MED24: variants seen among roughly 807,000 people sequenced by gnomAD.
MED24 encodes the protein mediator of RNA polymerase II transcription subunit 24.
A neutral mutation model predicts 118.8 loss-of-function variants in MED24; 74 were observed. That is an observed-to-expected ratio of 0.62 (90% CI 0.52 to 0.76). MED24 has a LOEUF of 0.76. Among genes scored for constraint, MED24 ranks in the 30% least tolerant of loss-of-function variants. The pLI is 0.00. For synonymous variants in MED24, 521 were observed against 523.9 expected (o/e 0.99, Z 0.08); for missense variants, 1,041 against 1,278.9 (o/e 0.81, Z 2.84).
chr17:40,021,662 T>C (rs1233770816), intron 23 of MED24, among the ~76,000 whole-genome samples: 1 of 149,000 alleles, frequency 6.7e-6, no homozygotes, highest in Non-Finnish European at 1.5e-5. Flanking sequence ...CTTGGGTAGC[T>C]TGTCATCCCC....
intron 6 of MED24, among the ~76,000 whole-genome samples, chr17:40,034,293 C>T (rs1983703754): frequency 6.6e-6 from 1 of 152,154 alleles, no homozygotes; most frequent in South Asian, 2.1e-4. Context: ...CAACACAGTC[C>T]ATTTTTATAT....
At chr17:40,038,310 TTAC>T (rs1400043906) in intron 3 of MED24, among the ~76,000 whole-genome samples, 4 of 152,178 alleles carry the variant, frequency 2.6e-5, no homozygotes, top group Non-Finnish European at 5.9e-5. Context: ...TGGAAAAATC[TTAC>T]CTTAAAATAA....
At chr17:40,041,889 G>A (rs1182394614) in intron 3 of MED24, among the ~76,000 whole-genome samples, 2 of 152,150 alleles carry the variant, frequency 1.3e-5, no homozygotes, top group Non-Finnish European at 2.9e-5. Flanking sequence ...ACTACAGTCT[G>A]CAAGTCCAAT....
At chr17:40,022,879 C>T in intron 20 of MED24, 53 bp from the exon 21 acceptor site, 2 of 1,582,212 alleles carry the variant, frequency 1.3e-6, no homozygotes, top group Non-Finnish European at 1.7e-6. Context: ...GGATCTGGGG[C>T]TCCTACACCC....
Position 40,033,464 on chromosome 17 carries a change from A to G in MED24, c.560-8T>C. 6.4e-7 allele frequency: 1 copy of G among 1,568,026 alleles called. No individual in the cohort carries two copies. Among genetic ancestry groups the G allele is most frequent in the Non-Finnish European group, 8.7e-7 (1 of 1,153,998 alleles). ...CGATGGCAGTCCAAGAAGCTGGCAGAGGGAAGGAAGTACAGAAACATGATG... is the reference window on the plus strand; with the variant it reads ...CGATGGCAGTCCAAGAAGCTGGCAGGGGGAAGGAAGTACAGAAACATGATG... On this transcript the variant is annotated splice_region_variant and splice_polypyrimidine_tract_variant and intron_variant, in intron 6 of 25. Coordinates refer to ENST00000394128, the MANE Select transcript of MED24 (RefSeq NM_014815.4). The surrounding 1 kb of genome is among the most constrained non-coding windows in gnomAD (Gnocchi z 5.2).
At position 40,027,023 on chromosome 17, in the gene MED24, G is replaced by A; in HGVS notation, c.1542C>T (p.Ser514=). The A allele has an allele frequency of 6.2e-7, 1 of 1,613,996 alleles. No individual in the cohort carries two copies. The highest frequency in any genetic ancestry group is 8.5e-7 in the Non-Finnish European group (1 of 1,179,996). ...GCACCTCAGCTCCTGTGCGCGACTC[G>A]GACAGAATCACCTGGGAAAGGGGAA... The part of the protein sequence containing the change: ...AQTYGSEVIL[S]ESRTGAEVPF... Residue 514 remains serine (S), a synonymous_variant, in exon 17 of 26, where the codon TCC becomes TCT. Transcript: ENST00000394128.
At position 40,027,365 on chromosome 17, in the gene MED24, G is replaced by A. The variant is rs1415686163; in HGVS notation, c.1530+18C>T. 2 of 1,609,282 alleles carry A rather than the reference G, an allele frequency of 1.2e-6. No individual in the cohort carries two copies. Among genetic ancestry groups the A allele is most frequent in the Non-Finnish European group, 8.5e-7 (1 of 1,177,974 alleles). Reference sequence around the variant, plus strand: ...CTCCTTCCCTTGAGCCCCCGTCCCGGTCGCTCCCCTCTCTCACCTCTGAAC... The same window carrying A: ...CTCCTTCCCTTGAGCCCCCGTCCCGATCGCTCCCCTCTCTCACCTCTGAAC... On this transcript the variant is annotated intron_variant, in intron 16 of 25. Coordinates refer to ENST00000394128, the MANE Select transcript of MED24 (RefSeq NM_014815.4).
At chr17:40,034,937 T>C (rs750796472) in intron 6 of MED24, 180 bp downstream of exon 6, 1 of 1,525,198 alleles carries the variant, frequency 6.6e-7, no homozygotes, top group African/African-American at 1.4e-5. Context: ...TTGGCTCGGG[T>C]GCCACCCTGC....
intron 3 of MED24, among the ~76,000 whole-genome samples, chr17:40,050,598 G>A (rs577671674): frequency 1.3e-5 from 2 of 150,884 alleles, no homozygotes; most frequent in Admixed American, 1.3e-4. Context: ...CTGGGCGACA[G>A]AGCAATACTC....
chr17:40,032,304 A>G, intron 9 of MED24: 1 of 593,496 alleles, frequency 1.7e-6, no homozygotes, highest in South Asian at 2.1e-5. Context: ...AGCACCCTGC[A>G]CCTCCGCTAG....
intron 12 of MED24, 106 bp downstream of exon 12, chr17:40,031,053 T>C (rs1011539943): frequency 9.0e-7 from 1 of 1,112,892 alleles, no homozygotes; most frequent in Admixed American, 2.0e-5. Flanking sequence ...CCCAGTCACT[T>C]GCAGCCCAAA....
At chr17:40,026,534 CA>C in intron 18 of MED24, 112 bp downstream of exon 18, 1 of 1,192,788 alleles carries the variant, frequency 8.4e-7, no homozygotes. Context: ...ATATCAATAT[CA>C]AAACATGAGC....
At chr17:40,030,958 G>A (rs1983299452) in intron 12 of MED24, among the ~76,000 whole-genome samples, 1 of 152,170 alleles carries the variant, frequency 6.6e-6, no homozygotes, top group Admixed American at 6.5e-5. Flanking sequence ...ATGAGTTAAA[G>A]AGCAGTGACT....
intron 19 of MED24, 38 bp downstream of exon 19, chr17:40,026,118 C>CACTT (rs1267391198): frequency 6.3e-7 from 1 of 1,588,602 alleles, no homozygotes; most frequent in Admixed American, 1.7e-5. Context: ...TCTCACAACA[C>CACTT]ACTTGAAGGG....
chr17:40,027,117 C>T (rs890059412), intron 16 of MED24, 83 bp from the exon 17 acceptor site: 3 of 1,505,836 alleles, frequency 2.0e-6, no homozygotes, highest in Non-Finnish European at 2.7e-6. Flanking sequence ...CACTGTTTCC[C>T]GCCAGGCTGC....
At chr17:40,047,472 C>T (rs1419999939) in intron 3 of MED24, among the ~76,000 whole-genome samples, 1 of 150,782 alleles carries the variant, frequency 6.6e-6, no homozygotes, top group Non-Finnish European at 1.5e-5. Context: ...CCAGCCTGAC[C>T]AACATGGTGA....
chr17:40,027,075 C>T (rs775376107), intron 16 of MED24, 41 bp from the exon 17 acceptor site: 16 of 1,605,668 alleles, frequency 1.0e-5, no homozygotes, highest in Admixed American at 5.2e-5. Context: ...GTGGGGAGGG[C>T]GCGGCGCCTG....
intron 3 of MED24, among the ~76,000 whole-genome samples, chr17:40,037,532 T>C (rs1984082852): frequency 6.6e-6 from 1 of 152,208 alleles, no homozygotes; most frequent in Non-Finnish European, 1.5e-5. Context: ...TAGCTCAGCA[T>C]GTCTCAAAGT....
In MED24 at chr17:40,053,326, G is replaced by T; in HGVS notation, c.185C>A (p.Ser62Tyr). The change falls in exon 3 of 26, where the codon TCC (serine) becomes TAC (tyrosine). Residue 62 changes from serine (S) to tyrosine (Y), a missense_variant. Ser to Tyr is a moderately radical substitution (Grantham distance 144, BLOSUM62 -2). Coordinates refer to ENST00000394128, the MANE Select transcript of MED24 (RefSeq NM_014815.4). ...GGAACTAATGGCATACTTCAGGTAG[G>T]ACAAGATGAGAGGATTGGGGGATGG... ...IGPSPNPLIL[S>Y]YLKYAISSQM... The T allele has an allele frequency of 6.2e-7, 1 of 1,612,110 alleles. No individual in the cohort carries two copies. The highest frequency in any genetic ancestry group is 8.5e-7 in the Non-Finnish European group (1 of 1,178,750).
Sources: gnomAD v4.1 joint callset for allele counts (sites outside exome capture counted in the v4.1 genomes callset) on GRCh38, gnomAD v4.1.1 for gene constraint, Gnocchi (gnomAD v3.1) non-coding constraint, MANE v1.5 for transcripts, NCBI Gene and HGNC (gene_info 2026-07-23, HGNC 2026-07-21) for gene names.